The following ESR2 variants were observed in gnomAD, a reference collection of about 807,000 sequenced individuals.
ESR2 encodes the protein estrogen receptor 2, also known as estrogen receptor beta.
A neutral mutation model predicts 49.6 loss-of-function variants in ESR2; 36 were observed. That is an observed-to-expected ratio of 0.73 (90% CI 0.56 to 0.96). ESR2 has a LOEUF of 0.96. Ranked by LOEUF, ESR2 falls within the 40% of genes least tolerant of loss-of-function variation. ESR2 has a pLI of 0.00. For missense variants in ESR2, 714 were observed against 693.0 expected, an observed-to-expected ratio of 1.03 and a Z score of -0.34; for synonymous variants, 320 against 266.1, an observed-to-expected ratio of 1.20 and a Z score of -1.97.
chr14:64,239,570 C>G (rs1450048550), intron 7 of ESR2, among the ~76,000 whole-genome samples: 1 of 152,106 alleles, frequency 6.6e-6, no homozygotes, highest in Non-Finnish European at 1.5e-5. Context: ...ATTCCATACC[C>G]CCTCTAATTC....
chr14:64,255,173 G>C (rs894857720), intron 6 of ESR2, among the ~76,000 whole-genome samples: 5 of 151,906 alleles, frequency 3.3e-5, no homozygotes, highest in African/African-American at 1.2e-4. Context: ...ACTAAATTTG[G>C]CATCAATTTA....
chr14:64,262,009 A>C (rs2140734150), intron 4 of ESR2, among the ~76,000 whole-genome samples: 1 of 152,286 alleles, frequency 6.6e-6, no homozygotes, highest in East Asian at 1.9e-4. Flanking sequence ...GGGCATTAAA[A>C]ATCATTTTTA....
chr14:64,323,945 G>T (rs1237542165), intron 1 of ESR2, among the ~76,000 whole-genome samples: 4 of 152,172 alleles, frequency 2.6e-5, no homozygotes, highest in African/African-American at 9.7e-5. Context: ...GCCCACCTCA[G>T]CCTCCCAAAG....
intron 4 of ESR2, among the ~76,000 whole-genome samples, chr14:64,261,458 C>A (rs192253510): frequency 6.7e-4 from 102 of 152,208 alleles, no homozygotes; most frequent in African/African-American, 2.1e-3. Flanking sequence ...CACTCTGTCA[C>A]CCAGGCTGCA....
At chr14:64,322,940 T>C (rs1270294777) in intron 1 of ESR2, among the ~76,000 whole-genome samples, 2 of 152,216 alleles carry the variant, frequency 1.3e-5, no homozygotes. Context: ...CTATAGAATA[T>C]TATACAGTTA....
chr14:64,304,946 G>A (rs1171902451), intron 1 of ESR2, among the ~76,000 whole-genome samples: 1 of 152,048 alleles, frequency 6.6e-6, no homozygotes, highest in Non-Finnish European at 1.5e-5. Flanking sequence ...GGTTTTAAAT[G>A]TATTCAAAGA....
At chr14:64,313,420 G>T (rs2077207135) in intron 1 of ESR2, among the ~76,000 whole-genome samples, 1 of 151,556 alleles carries the variant, frequency 6.6e-6, no homozygotes, top group Admixed American at 6.6e-5. Context: ...TGTAGTCTCA[G>T]CTACTCTGGA....
chr14:64,227,975 A>G (rs1389263092), downstream of ESR2: 6 of 1,579,492 alleles, frequency 3.8e-6, no homozygotes, highest in Admixed American at 7.2e-5. Flanking sequence ...ATTACAGAAA[A>G]TCTATCCAAA....
chr14:64,303,295 CTT>C lies in ESR2; in HGVS notation c.-90-20222_-90-20221del, dbSNP rs1176417846. ...GAAGTGAACACTTCTTGGCTGTTCT[CTT>C]GTTTTGGGTGCATGGCTCAGTTTGA... On this transcript the variant is annotated intron_variant, in intron 1 of 8. Coordinates refer to the ESR2 transcript ENST00000358599. Among the ~76,000 whole-genome samples, 4 of 151,688 alleles carry C rather than the reference CTT, an allele frequency of 2.6e-5. No individual in the cohort carries two copies. In the East Asian group the frequency reaches 7.7e-4, roughly 29 times the overall value.
Position 64,233,340 on chromosome 14 carries a change from G to T in ESR2, c.1407-17C>A, listed in dbSNP as rs368744840. 18 of 1,600,478 alleles carry T rather than the reference G, an allele frequency of 1.1e-5. No homozygotes were observed. In the African/African-American group the frequency reaches 2.0e-4, roughly 18 times the overall value. On this transcript the variant is annotated splice_polypyrimidine_tract_variant and intron_variant, in intron 8 of 8. Transcript: ENST00000341099. ...CCCTTGTTACTATGGGGACAAAAAG[G>T]TGCTGAGATTCCCTCCTCCGAGGCA...
At chr14:64,290,300 G>T (rs1192564150) in intron 1 of ESR2, among the ~76,000 whole-genome samples, 1 of 152,074 alleles carries the variant, frequency 6.6e-6, no homozygotes, top group Non-Finnish European at 1.5e-5. Context: ...TGAACTCCTT[G>T]CCTCAAGCAA....
intron 1 of ESR2, among the ~76,000 whole-genome samples, chr14:64,291,433 G>A (rs2076868411): frequency 6.6e-6 from 1 of 152,066 alleles, no homozygotes; most frequent in African/African-American, 2.4e-5. Context: ...TTGCCACTCT[G>A]CATATCCTAG....
chr14:64,269,634 C>T (rs956051422), intron 3 of ESR2, among the ~76,000 whole-genome samples: 7 of 152,178 alleles, frequency 4.6e-5, no homozygotes, highest in South Asian at 4.2e-4. Flanking sequence ...CCAAGAAGAA[C>T]GTGGGGACAT....
intron 3 of ESR2, among the ~76,000 whole-genome samples, chr14:64,272,665 TGAG>T (rs2076475120): frequency 6.6e-6 from 1 of 152,030 alleles, no homozygotes; most frequent in African/African-American, 2.4e-5. Context: ...TTTTCAAAAA[TGAG>T]TTAACTGTAG....
intron 6 of ESR2, among the ~76,000 whole-genome samples, chr14:64,250,116 G>A (rs2075959174): frequency 6.6e-6 from 1 of 152,204 alleles, no homozygotes; most frequent in Admixed American, 6.5e-5. Context: ...AAGACCGTGT[G>A]TCACAGAAGC....
At chr14:64,242,612 A>C (rs2075758504) in intron 7 of ESR2, among the ~76,000 whole-genome samples, 1 of 152,058 alleles carries the variant, frequency 6.6e-6, no homozygotes, top group East Asian at 1.9e-4. Context: ...AGTTACCAAA[A>C]AAAAAAAAAT....
chr14:64,337,412 GC>G (rs1272328505), intron 1 of ESR2: 6 of 152,180 alleles, frequency 3.9e-5, no homozygotes, highest in Non-Finnish European at 7.3e-5. Context: ...AGGAATATTT[GC>G]TTCAATTCCC....
At chr14:64,267,111 C>T (rs531818330) in intron 4 of ESR2, among the ~76,000 whole-genome samples, 113 of 152,294 alleles carry the variant, frequency 7.4e-4, no homozygotes, top group African/African-American at 2.6e-3. Flanking sequence ...GATCTCTTGA[C>T]CTCATGATTT....
At chr14:64,255,072 T>G (rs2076071546) in intron 6 of ESR2, among the ~76,000 whole-genome samples, 1 of 152,102 alleles carries the variant, frequency 6.6e-6, no homozygotes, top group African/African-American at 2.4e-5. Context: ...TACACACAAT[T>G]ACAGGAATTA....
Sources: allele counts gnomAD v4.1 joint callset (sites outside exome capture counted in the v4.1 genomes callset), GRCh38; gene constraint gnomAD v4.1.1; transcripts MANE v1.5; gene names NCBI Gene and HGNC (gene_info 2026-07-23, HGNC 2026-07-21).